The following FAM135B variants were observed in gnomAD, a reference collection of about 807,000 sequenced individuals.
FAM135B encodes protein FAM135B.
FAM135B carries 43 observed loss-of-function variants against 127.7 expected under a neutral mutation model. The ratio of observed to expected loss-of-function variants is 0.34; its 90% CI spans 0.26 to 0.43. The LOEUF is 0.43. Among genes scored for constraint, FAM135B ranks in the 20% least tolerant of loss-of-function variants. The pLI is 1.00. For synonymous variants in FAM135B, 670 were observed against 665.1 expected (o/e 1.01, Z -0.11); for missense variants, 1,558 against 1,725.6 (o/e 0.90, Z 1.72).
At position 138,197,655 on chromosome 8, in the gene FAM135B, G is replaced by T; in HGVS notation, c.684C>A (p.Ile228=). 1.2e-6 allele frequency: 2 copies of T among 1,613,952 alleles called. No individual in the cohort carries two copies. Among genetic ancestry groups the T allele is most frequent in the Middle Eastern group, 1.7e-4 (1 of 6,060 alleles). Residue 228 remains isoleucine, a synonymous_variant, in exon 8 of 20, where the codon ATC becomes ATA. Transcript: ENST00000395297. ...KPTSSEGSFY[I]TSENCMQHAH... ...CGTGCTGCATGCAGTTCTCAGAGGT[G>T]ATGTAGAAGCTTCCCTAAGGGGTGA...
At chr8:138,138,579 A>G (rs193299380) in intron 18 of FAM135B, among the ~76,000 whole-genome samples, 6 of 152,262 alleles carry the variant, frequency 3.9e-5, no homozygotes, top group African/African-American at 1.4e-4. Context: ...GGCCTGCCTG[A>G]CAATGACCCC....
intron 2 of FAM135B, among the ~76,000 whole-genome samples, chr8:138,349,235 G>A (rs971273967): frequency 6.6e-6 from 1 of 152,202 alleles, no homozygotes; most frequent in African/African-American, 2.4e-5. Flanking sequence ...CAATAAGGTT[G>A]GGAGCTGTTT....
chr8:138,200,726 G>T (rs1817052417), intron 7 of FAM135B, among the ~76,000 whole-genome samples: 1 of 152,086 alleles, frequency 6.6e-6, no homozygotes, highest in Admixed American at 6.5e-5. Flanking sequence ...ATGTGTGTAT[G>T]TCTTGAAAAC....
At chr8:138,388,252 A>T (rs1032063975) in intron 1 of FAM135B, among the ~76,000 whole-genome samples, 1 of 152,336 alleles carries the variant, frequency 6.6e-6, no homozygotes, top group South Asian at 2.1e-4. Context: ...ATACCAAATG[A>T]TGGCAAACAT....
At chr8:138,175,585 G>T (rs1814377690) in intron 11 of FAM135B, among the ~76,000 whole-genome samples, 1 of 152,208 alleles carries the variant, frequency 6.6e-6, no homozygotes, top group Non-Finnish European at 1.5e-5. Flanking sequence ...TTCAGTGATA[G>T]CACAGTGGTA....
At chr8:138,229,309 C>A (rs1819731663) in intron 7 of FAM135B, among the ~76,000 whole-genome samples, 1 of 152,072 alleles carries the variant, frequency 6.6e-6, no homozygotes, top group African/African-American at 2.4e-5. Context: ...CATTGGACAC[C>A]TTCTATGATC....
chr8:138,214,690 A>G (rs12678832), intron 7 of FAM135B, among the ~76,000 whole-genome samples: 109,858 of 151,844 alleles, frequency 0.72, 39,979 homozygotes, highest in East Asian at 0.82. Flanking sequence ...CTAGATAAGG[A>G]AAAACCTACT....
chr8:138,307,732 TAA>T (rs60272179), intron 3 of FAM135B, among the ~76,000 whole-genome samples: 55,739 of 131,298 alleles, frequency 0.42, 11,749 homozygotes, highest in East Asian at 0.67. Context: ...CCCATTGTGG[TAA>T]AAAAAAAAAA....
intron 1 of FAM135B, among the ~76,000 whole-genome samples, chr8:138,474,284 C>T (rs1814263251): frequency 6.6e-6 from 1 of 152,120 alleles, no homozygotes; most frequent in Non-Finnish European, 1.5e-5. Context: ...CATTCCAGTT[C>T]TACCGGCCAT....
At chr8:138,370,532 A>G (rs1051868650) in intron 1 of FAM135B, among the ~76,000 whole-genome samples, 3 of 151,938 alleles carry the variant, frequency 2.0e-5, no homozygotes, top group Admixed American at 1.3e-4. Flanking sequence ...GCTCACTGCA[A>G]GCTCGCCTCC....
intron 2 of FAM135B, among the ~76,000 whole-genome samples, chr8:138,349,982 C>T (rs568861481): frequency 5.3e-5 from 8 of 152,246 alleles, no homozygotes; most frequent in Non-Finnish European, 1.2e-4. Context: ...TTTTTGTCCA[C>T]AAAAGACCTG....
chr8:138,209,831 T>G (rs1211025720), intron 7 of FAM135B, among the ~76,000 whole-genome samples: 1 of 152,136 alleles, frequency 6.6e-6, no homozygotes, highest in Non-Finnish European at 1.5e-5. Flanking sequence ...CCACATTTGC[T>G]AAGATACAAA....
chr8:138,243,603 C>T lies in FAM135B; in HGVS notation c.543-535G>A, dbSNP rs979153175. Among the ~76,000 whole-genome samples the T allele has an allele frequency of 6.6e-5, 10 of 152,218 alleles. No individual in the cohort carries two copies. The highest frequency in any genetic ancestry group is 1.3e-4 in the Admixed American group (2 of 15,276). The stretch of plus-strand genomic sequence containing the variant: ...GCTGTGTCAACGCTAATTGGGAAGA[C>T]CATAACCTGCTCAGCTCACAAATGT... On this transcript the variant is annotated intron_variant, in intron 6 of 19. Transcript: ENST00000395297. The surrounding 1 kb of genome is among the most constrained non-coding windows in gnomAD (Gnocchi z 7.5).
At chr8:138,407,778 A>C (rs1833609040) in intron 1 of FAM135B, among the ~76,000 whole-genome samples, 1 of 152,162 alleles carries the variant, frequency 6.6e-6, no homozygotes, top group Non-Finnish European at 1.5e-5. Context: ...TAAAGACTTA[A>C]ATGTTAGACC....
intron 4 of FAM135B, among the ~76,000 whole-genome samples, chr8:138,257,179 C>G (rs11166801): frequency 0.016 from 2,411 of 152,000 alleles, 38 homozygotes; most frequent in Non-Finnish European, 0.023. Flanking sequence ...TAAGTCAGAG[C>G]AATGTCATCT....
intron 1 of FAM135B, among the ~76,000 whole-genome samples, chr8:138,375,104 G>A (rs1283747341): frequency 1.3e-5 from 2 of 152,102 alleles, no homozygotes; most frequent in African/African-American, 2.4e-5. Context: ...TGAGCCTGCT[G>A]CTGCATCTGC....
rs1415410229 is a variant in FAM135B, at chr8:138,310,862, C to T, written c.136G>A (p.Ala46Thr). ...TCACCTGTCTGCCCAGCGATGGAGG[C>T]ACTCAGTCTGTGGGGGATCCTTGAA... ...VSSRIPHRLS[A>T]SIAGQTESSS... The change falls in exon 3 of 20, where the codon GCC becomes ACC. Residue 46 changes from alanine to threonine, a missense_variant. Physicochemically the swap from Ala to Thr is moderately conservative, Grantham distance 58 (BLOSUM62 0). This residue lies in a region of FAM135B where 199 missense variants were observed against 245.7 expected (regional missense o/e 0.81). Coordinates refer to ENST00000395297, the MANE Select transcript of FAM135B (RefSeq NM_015912.4). 1.9e-6 allele frequency: 3 copies of T among 1,613,870 alleles called. No individual in the cohort carries two copies. Among genetic ancestry groups the T allele is most frequent in the African/African-American group, 2.7e-5 (2 of 74,958 alleles).
intron 12 of FAM135B, among the ~76,000 whole-genome samples, chr8:138,164,585 T>C (rs993476635): frequency 6.6e-5 from 10 of 152,328 alleles, no homozygotes; most frequent in Admixed American, 6.5e-4. Flanking sequence ...CATATCTGAT[T>C]ACCTCCTTTG....
chr8:138,220,061 T>TCTCACACACACA (rs111495696), intron 7 of FAM135B, among the ~76,000 whole-genome samples: 2 of 146,412 alleles, frequency 1.4e-5, no homozygotes, highest in South Asian at 2.2e-4. Context: ...TTGCCTAAAA[T>TCTCACACACACA]CACACACACA....
Sources: gnomAD v4.1 joint callset for allele counts (sites outside exome capture counted in the v4.1 genomes callset) on GRCh38, gnomAD v4.1.1 for gene constraint, gnomAD v4.1.1 regional missense constraint, Gnocchi (gnomAD v3.1) non-coding constraint, MANE v1.5 for transcripts, NCBI Gene and HGNC (gene_info 2026-07-23, HGNC 2026-07-21) for gene names.